Variants in DGKB observed in about 807,000 individuals in gnomAD.
The protein encoded by DGKB is diacylglycerol kinase beta, also known as 90 kDa diacylglycerol kinase.
DGKB carries 67 observed loss-of-function variants against 114.3 expected under a neutral mutation model. The observed-to-expected ratio is 0.59, with a 90% CI of 0.48 to 0.72. The LOEUF (loss-of-function observed/expected upper bound fraction) is 0.72, where lower values mean the gene tolerates loss of function less well. DGKB is among the 30% of genes least tolerant of loss of function. DGKB has a pLI of 0.00. For missense variants in DGKB, 907 were observed against 975.2 expected (o/e 0.93, Z 0.93); for synonymous variants, 398 against 323.1 (o/e 1.23, Z -2.49).
At chr7:14,431,739 T>G (rs1397165236) in intron 21 of DGKB, among the ~76,000 whole-genome samples, 1 of 152,200 alleles carries the variant, frequency 6.6e-6, no homozygotes, top group African/African-American at 2.4e-5. Context: ...AATTAAGTTT[T>G]ATCTATGTTA....
intron 6 of DGKB, among the ~76,000 whole-genome samples, chr7:14,708,793 A>G (rs886073303): frequency 1.7e-4 from 25 of 149,924 alleles, no homozygotes; most frequent in Non-Finnish European, 2.2e-4. Flanking sequence ...TCCCTTCCTT[A>G]CACCTTATAC....
chr7:14,865,452 C>G (rs1196016280), intron 1 of DGKB, among the ~76,000 whole-genome samples: 2 of 152,162 alleles, frequency 1.3e-5, no homozygotes, highest in Non-Finnish European at 2.9e-5. Context: ...TATTGGCCAT[C>G]CCAATGTGGA....
intron 1 of DGKB, among the ~76,000 whole-genome samples, chr7:14,866,997 T>C (rs1851796019): frequency 6.6e-6 from 1 of 152,202 alleles, no homozygotes; most frequent in African/African-American, 2.4e-5. Context: ...AGAACATCTT[T>C]TCACATGCTT....
chr7:14,205,349 A>G (rs1324864806), intron 23 of DGKB, among the ~76,000 whole-genome samples: 1 of 151,784 alleles, frequency 6.6e-6, no homozygotes, highest in East Asian at 2.0e-4. Context: ...CACAGTAACC[A>G]TCTTCTCTGC....
chr7:14,394,957 A>G (rs891907758), intron 21 of DGKB, among the ~76,000 whole-genome samples: 2 of 152,142 alleles, frequency 1.3e-5, no homozygotes, highest in Non-Finnish European at 2.9e-5. Flanking sequence ...TGTAGAAAAT[A>G]CCACTGCCAG....
At chr7:14,712,299 C>G (rs1414849754) in intron 6 of DGKB, among the ~76,000 whole-genome samples, 1 of 151,838 alleles carries the variant, frequency 6.6e-6, no homozygotes, top group East Asian at 1.9e-4. Context: ...AATATTGGTT[C>G]TAGAAAGAGA....
chr7:14,929,060 CAT>C (rs1339931945), intron 1 of DGKB, among the ~76,000 whole-genome samples: 90 of 149,286 alleles, frequency 6.0e-4, no homozygotes, highest in African/African-American at 2.2e-3. Context: ...CACACACATA[CAT>C]ATCACATTTT....
At chr7:14,306,546 TTTTTTTTC>T (rs1488174215) in intron 23 of DGKB, among the ~76,000 whole-genome samples, 2 of 124,598 alleles carry the variant, frequency 1.6e-5, no homozygotes, top group Non-Finnish European at 3.6e-5. Context: ...GTCACTGAAG[TTTTTTTTC>T]TTTTTTTCTG....
chr7:14,393,792 G>T (rs1266108458), intron 21 of DGKB, among the ~76,000 whole-genome samples: 1 of 152,032 alleles, frequency 6.6e-6, no homozygotes, highest in Admixed American at 6.5e-5. Flanking sequence ...TTCTAAATCT[G>T]AACGAGAAAC....
chr7:14,973,397 T>C (rs1787592710), intron 1 of DGKB, among the ~76,000 whole-genome samples: 1 of 151,414 alleles, frequency 6.6e-6, no homozygotes, highest in Non-Finnish European at 1.5e-5. Flanking sequence ...AATCAAAATA[T>C]GTATATCTGG....
chr7:14,529,375 G>A (rs1052655722), intron 20 of DGKB, among the ~76,000 whole-genome samples: 1 of 151,810 alleles, frequency 6.6e-6, no homozygotes, highest in Admixed American at 6.6e-5. Context: ...TGCTAAAAAT[G>A]AGTAACCTTT....
At chr7:14,840,298 C>A (rs1847744445) in intron 2 of DGKB, among the ~76,000 whole-genome samples, 1 of 151,992 alleles carries the variant, frequency 6.6e-6, no homozygotes, top group African/African-American at 2.4e-5. Context: ...TCTTATCATT[C>A]TTATTGCATT....
chr7:14,168,069 TTGAAA>T (rs561486285), intron 25 of DGKB, among the ~76,000 whole-genome samples: 8 of 152,064 alleles, frequency 5.3e-5, no homozygotes, highest in Non-Finnish European at 1.0e-4. Context: ...GCAGATACTC[TTGAAA>T]TGAAATGAAA....
chr7:14,357,550 G>A (rs141436402), intron 21 of DGKB, among the ~76,000 whole-genome samples: 1,820 of 152,080 alleles, frequency 0.012, 37 homozygotes, highest in African/African-American at 0.042. Flanking sequence ...CTCTTTATCC[G>A]ATTTTCCAGT....
At chr7:14,604,284 G>T (rs2128771701) in intron 17 of DGKB, among the ~76,000 whole-genome samples, 1 of 152,106 alleles carries the variant, frequency 6.6e-6, no homozygotes, top group Non-Finnish European at 1.5e-5. Context: ...GATAAAAAAT[G>T]AAATGCCCAG....
intron 1 of DGKB, among the ~76,000 whole-genome samples, chr7:14,947,015 A>G (rs1785920913): frequency 6.6e-6 from 1 of 151,684 alleles, no homozygotes; most frequent in Non-Finnish European, 1.5e-5. Context: ...GTATTTTTTA[A>G]AAGATTAATT....
intron 6 of DGKB, among the ~76,000 whole-genome samples, chr7:14,707,353 G>A (rs1424907165): frequency 5.3e-5 from 8 of 150,116 alleles, no homozygotes; most frequent in Admixed American, 2.7e-4. Context: ...AGAGTCCAGG[G>A]CCAGATGGAT....
chr7:14,403,127 G>A (rs1823389916), intron 21 of DGKB, among the ~76,000 whole-genome samples: 1 of 151,440 alleles, frequency 6.6e-6, no homozygotes, highest in African/African-American at 2.4e-5. Context: ...TGCTTCTCTG[G>A]AGAATACTAA....
chr7:14,372,207 T>G (rs1377936723), intron 21 of DGKB, among the ~76,000 whole-genome samples: 1 of 152,168 alleles, frequency 6.6e-6, no homozygotes, highest in African/African-American at 2.4e-5. Context: ...CTACCCGGGC[T>G]TCAATCACGT....
Sources: allele counts gnomAD v4.1 joint callset (sites outside exome capture counted in the v4.1 genomes callset), GRCh38; gene constraint gnomAD v4.1.1; transcripts MANE v1.5; gene names NCBI Gene and HGNC (gene_info 2026-07-23, HGNC 2026-07-21).